ARB2A: variants seen among roughly 807,000 people sequenced by gnomAD.
ARB2A encodes the protein cotranscriptional regulator ARB2A.
At chr5:93,883,924 T>C in the ARB2A span, among the ~76,000 whole-genome samples, 83 of 133,960 alleles carry the variant, frequency 6.2e-4, no homozygotes, top group African/African-American at 1.2e-3. Flanking sequence ...CACATACACA[T>C]ACACACACAC....
At chr5:93,690,369 G>A in the ARB2A span, among the ~76,000 whole-genome samples, 116 of 152,264 alleles carry the variant, frequency 7.6e-4, no homozygotes, top group Non-Finnish European at 1.3e-3. Context: ...TTGGTGGGGG[G>A]AAGGGTGTCC....
chr5:93,914,819 T>C, the ARB2A span, among the ~76,000 whole-genome samples: 2 of 152,020 alleles, frequency 1.3e-5, no homozygotes, highest in South Asian at 4.1e-4. Context: ...TGAGGGTTGT[T>C]CAGAAGAACT....
At chr5:94,098,110 T>C in the ARB2A span, among the ~76,000 whole-genome samples, 1 of 151,936 alleles carries the variant, frequency 6.6e-6, no homozygotes, top group African/African-American at 2.4e-5. Context: ...CATCCAGAAA[T>C]GAAGACAGCT....
At chr5:94,102,346 G>C in the ARB2A span, among the ~76,000 whole-genome samples, 1 of 152,062 alleles carries the variant, frequency 6.6e-6, no homozygotes, top group Non-Finnish European at 1.5e-5. Context: ...TGATCTGATA[G>C]AGATGAAAAA....
chr5:93,659,534 C>T, the ARB2A span, among the ~76,000 whole-genome samples: 2 of 151,994 alleles, frequency 1.3e-5, no homozygotes, highest in Non-Finnish European at 2.9e-5. Flanking sequence ...AAGTCTTGAT[C>T]AGACAGAAAA....
At chr5:94,024,926 G>A in the ARB2A span, among the ~76,000 whole-genome samples, 1 of 152,178 alleles carries the variant, frequency 6.6e-6, no homozygotes, top group Non-Finnish European at 1.5e-5. Context: ...TGGGACAAGA[G>A]GGAGGCAAGA....
chr5:94,069,042 A>ATAGATAGATAGATAGG, the ARB2A span, among the ~76,000 whole-genome samples: 6 of 138,354 alleles, frequency 4.3e-5, no homozygotes, highest in African/African-American at 1.6e-4. Flanking sequence ...TCTTAAAAAG[A>ATAGATAGATAGATAGG]TAGATAGATA....
the ARB2A span, among the ~76,000 whole-genome samples, chr5:93,817,150 C>T: frequency 6.6e-6 from 1 of 151,548 alleles, no homozygotes; most frequent in East Asian, 1.9e-4. Flanking sequence ...AGCAAGGTTG[C>T]AAAATACAAG....
chr5:93,881,283 G>A, the ARB2A span: 1 of 453,186 alleles, frequency 2.2e-6, no homozygotes, highest in Non-Finnish European at 3.8e-6. Flanking sequence ...ATGTCACACT[G>A]AAATAAGAAT....
chr5:93,651,216 G>A, the ARB2A span, among the ~76,000 whole-genome samples: 3 of 151,624 alleles, frequency 2.0e-5, no homozygotes, highest in African/African-American at 7.3e-5. Context: ...GCTCAACACA[G>A]CCTTGGACTC....
the ARB2A span, among the ~76,000 whole-genome samples, chr5:93,847,518 T>C: frequency 6.6e-6 from 1 of 152,158 alleles, no homozygotes; most frequent in Non-Finnish European, 1.5e-5. Flanking sequence ...GAAAAATAAT[T>C]ATATTTATTT....
chr5:94,023,344 T>C, the ARB2A span, among the ~76,000 whole-genome samples: 1 of 152,172 alleles, frequency 6.6e-6, no homozygotes, highest in African/African-American at 2.4e-5. Context: ...ATGGTTTGAC[T>C]TAAAATCAAT....
chr5:94,071,265 T>G, the ARB2A span, among the ~76,000 whole-genome samples: 1 of 152,046 alleles, frequency 6.6e-6, no homozygotes, highest in Non-Finnish European at 1.5e-5. Context: ...GATCATTAAT[T>G]TAAATGTGAA....
chr5:93,941,760 T>C, the ARB2A span, among the ~76,000 whole-genome samples: 1 of 152,202 alleles, frequency 6.6e-6, no homozygotes, highest in Non-Finnish European at 1.5e-5. Flanking sequence ...CTAGGTTAGC[T>C]GTGACAATTA....
At chr5:93,740,059 G>A in the ARB2A span, 1 of 151,682 alleles carries the variant, frequency 6.6e-6, no homozygotes, top group South Asian at 2.1e-4. Context: ...GGCTCTAGGT[G>A]GGCTCTGTGT....
At chr5:93,724,946 A>T in the ARB2A span, among the ~76,000 whole-genome samples, 1 of 152,032 alleles carries the variant, frequency 6.6e-6, no homozygotes, top group African/African-American at 2.4e-5. Context: ...AATAACTGAG[A>T]CAGCTATTAA....
At chr5:94,084,353 T>G in the ARB2A span, among the ~76,000 whole-genome samples, 11 of 150,770 alleles carry the variant, frequency 7.3e-5, no homozygotes, top group Non-Finnish European at 1.3e-4. Flanking sequence ...ACAAAAGATG[T>G]TATACCTATA....
At chr5:93,949,319 T>C in the ARB2A span, among the ~76,000 whole-genome samples, 1 of 151,756 alleles carries the variant, frequency 6.6e-6, no homozygotes, top group African/African-American at 2.4e-5. Context: ...TCCCAGCACT[T>C]TGGGAGGCCG....
chr5:93,961,506 G>A, the ARB2A span, among the ~76,000 whole-genome samples: 1 of 152,122 alleles, frequency 6.6e-6, no homozygotes, highest in African/African-American at 2.4e-5. Context: ...GCAACATAGT[G>A]AGACCCTGTC....
Sources: gnomAD v4.1 joint callset for allele counts (sites outside exome capture counted in the v4.1 genomes callset) on GRCh38, gnomAD v4.1.1 for gene constraint, MANE v1.5 for transcripts, NCBI Gene and HGNC (gene_info 2026-07-23, HGNC 2026-07-21) for gene names.